RASAL2: variants seen among roughly 807,000 people sequenced by gnomAD.
The protein encoded by RASAL2 is RAS protein activator like 2.
RASAL2 carries 58 observed loss-of-function variants against 128.9 expected under a neutral mutation model. That is an observed-to-expected ratio of 0.45 (90% confidence interval 0.36 to 0.56). RASAL2 has a LOEUF of 0.56. Ranked by LOEUF, RASAL2 falls within the 20% of genes least tolerant of loss-of-function variation. The probability of loss-of-function intolerance (pLI) is 0.00; values close to 1 mark genes in which losing one functional copy is unlikely to be tolerated. For missense variants in RASAL2, 1,360 were observed against 1,601.6 expected (o/e 0.85, Z 2.57); for synonymous variants, 561 against 580.8 (o/e 0.97, Z 0.49).
Position 178,365,963 on chromosome 1 carries a change from T to C in RASAL2, c.458-24137T>C, listed in dbSNP as rs1256747196. Among the ~76,000 whole-genome samples, 3 of 152,346 alleles carry C rather than the reference T, an allele frequency of 2.0e-5. No homozygotes were observed. In the East Asian group the frequency reaches 5.8e-4, roughly 29 times the overall value. On this transcript the variant is annotated intron_variant, in intron 3 of 17. Transcript: ENST00000367649. ...CAGTCACCATTGCTTGAAGACACTTTGTTTTTCAAATAAATGCCTTTTTAT... is the reference window on the plus strand; with the variant it reads ...CAGTCACCATTGCTTGAAGACACTTCGTTTTTCAAATAAATGCCTTTTTAT...
chr1:178,396,903 A>G (rs753637770), intron 4 of RASAL2, among the ~76,000 whole-genome samples: 2 of 152,044 alleles, frequency 1.3e-5, no homozygotes, highest in African/African-American at 4.8e-5. Flanking sequence ...CAATACACAC[A>G]TGAAAAGATG....
chr1:178,302,335 T>A (rs1181450056), intron 3 of RASAL2, among the ~76,000 whole-genome samples: 1 of 152,086 alleles, frequency 6.6e-6, no homozygotes, highest in Non-Finnish European at 1.5e-5. Flanking sequence ...TAAGTTAGTG[T>A]ACAAAAATTG....
intron 1 of RASAL2, among the ~76,000 whole-genome samples, chr1:178,162,450 T>A (rs1329774276): frequency 8.1e-6 from 1 of 123,626 alleles, no homozygotes; most frequent in Non-Finnish European, 1.6e-5. Flanking sequence ...ATAATATATA[T>A]AATATTAAAT....
At chr1:178,189,621 C>T (rs1662421911) in intron 1 of RASAL2, among the ~76,000 whole-genome samples, 1 of 152,098 alleles carries the variant, frequency 6.6e-6, no homozygotes, top group African/African-American at 2.4e-5. Flanking sequence ...ACCTCGCAGT[C>T]TCACTGTAAA....
rs1267770094 is a variant in RASAL2, at chr1:178,275,114, T to A, written c.203-8450T>A. 3.3e-5 allele frequency among the ~76,000 whole-genome samples: 5 copies of A among 152,328 alleles called. No individual in the cohort carries two copies. In the South Asian group the frequency reaches 6.2e-4, roughly 19 times the overall value. ...CTCATCTTACTGCTGGCACCATTCA[T>A]AAGACTCCATTCAGTTAACTAGGCC... On this transcript the variant is annotated intron_variant, in intron 1 of 17. Transcript: ENST00000367649.
At chr1:178,358,897 G>C (rs866079340) in intron 3 of RASAL2, among the ~76,000 whole-genome samples, 12 of 152,260 alleles carry the variant, frequency 7.9e-5, no homozygotes, top group Middle Eastern at 6.8e-3. Context: ...TTCAATAAGA[G>C]ACTGAACCTG....
chr1:178,161,159 A>G (rs1489754224), intron 1 of RASAL2, among the ~76,000 whole-genome samples: 1 of 152,004 alleles, frequency 6.6e-6, no homozygotes, highest in Non-Finnish European at 1.5e-5. Context: ...TTTCTTTTAA[A>G]ACGTACAATT....
intron 1 of RASAL2, among the ~76,000 whole-genome samples, chr1:178,113,471 A>AT (rs2102252455): frequency 7.3e-6 from 1 of 136,090 alleles, no homozygotes; most frequent in East Asian, 2.3e-4. Context: ...TACCAGGCTG[A>AT]TTTTGTGTAT....
chr1:178,331,583 C>CTTT (rs71731643), intron 3 of RASAL2, among the ~76,000 whole-genome samples: 9,614 of 110,106 alleles, frequency 0.087, 1,771 homozygotes, highest in African/African-American at 0.33. Flanking sequence ...CTTCATGCAT[C>CTTT]TTTTTTTTTT....
At chr1:178,433,075 C>G (rs927128315) in intron 5 of RASAL2, among the ~76,000 whole-genome samples, 20 of 152,064 alleles carry the variant, frequency 1.3e-4, no homozygotes, top group African/African-American at 4.3e-4. Context: ...CAGGCCTCAC[C>G]CACTCCAACA....
chr1:178,326,964 G>A (rs1669070503), intron 3 of RASAL2, among the ~76,000 whole-genome samples: 1 of 152,226 alleles, frequency 6.6e-6, no homozygotes, highest in East Asian at 1.9e-4. Flanking sequence ...ATCAAAAATA[G>A]CATTATCCCT....
intron 1 of RASAL2, among the ~76,000 whole-genome samples, chr1:178,189,964 TG>T (rs937668103): frequency 1.3e-5 from 2 of 152,146 alleles, no homozygotes; most frequent in African/African-American, 4.8e-5. Flanking sequence ...GGTTCTCAAC[TG>T]GGGGCATGCT....
At chr1:178,186,960 A>G (rs1415299842) in intron 1 of RASAL2, among the ~76,000 whole-genome samples, 2 of 151,868 alleles carry the variant, frequency 1.3e-5, no homozygotes, top group African/African-American at 4.8e-5. Flanking sequence ...AGTAGTTAGG[A>G]CTACAAGCAT....
chr1:178,413,497 A>G (rs1674547064), intron 4 of RASAL2, among the ~76,000 whole-genome samples: 1 of 152,198 alleles, frequency 6.6e-6, no homozygotes. Flanking sequence ...CCTTACTACT[A>G]CATGACTAAA....
chr1:178,390,038 T>G, intron 3 of RASAL2, 62 bp from the exon 4 acceptor site: 1 of 1,040,754 alleles, frequency 9.6e-7, no homozygotes, highest in Admixed American at 2.1e-5. Flanking sequence ...ACTTTACAGT[T>G]CAGTGGAAGA....
At chr1:178,110,852 T>C (rs1659295026) in intron 1 of RASAL2, among the ~76,000 whole-genome samples, 2 of 151,678 alleles carry the variant, frequency 1.3e-5, no homozygotes, top group South Asian at 4.2e-4. Context: ...CCTCCCAAAT[T>C]TGGGATTTGC....
chr1:178,297,255 A>T (rs1667557515), intron 2 of RASAL2, among the ~76,000 whole-genome samples: 1 of 152,074 alleles, frequency 6.6e-6, no homozygotes, highest in South Asian at 2.1e-4. Context: ...ATTACTTGAA[A>T]TAGGATCTAT....
intron 1 of RASAL2, among the ~76,000 whole-genome samples, chr1:178,105,732 G>C (rs1052261509): frequency 6.6e-6 from 1 of 151,478 alleles, no homozygotes; most frequent in Non-Finnish European, 1.5e-5. Flanking sequence ...ACTCAGGCTG[G>C]AGTGCTGTGG....
intron 3 of RASAL2, among the ~76,000 whole-genome samples, chr1:178,376,105 G>A (rs1054721495): frequency 6.6e-6 from 1 of 152,088 alleles, no homozygotes; most frequent in South Asian, 2.1e-4. Context: ...AGGAAAGCCA[G>A]GATGGTGTGG....
Sources: gnomAD v4.1 joint callset for allele counts (sites outside exome capture counted in the v4.1 genomes callset) on GRCh38, gnomAD v4.1.1 for gene constraint, MANE v1.5 for transcripts, NCBI Gene and HGNC (gene_info 2026-07-23, HGNC 2026-07-21) for gene names.